DNAAF6: variants seen among roughly 807,000 people sequenced by gnomAD.
DNAAF6 encodes PIH1 domain containing 3.
A neutral mutation model predicts 13.7 loss-of-function variants in DNAAF6; 3 were observed. The observed-to-expected ratio is 0.22, with a 90% CI of 0.10 to 0.56. DNAAF6 has a LOEUF of 0.56. Ranked by LOEUF, DNAAF6 falls within the 20% of genes least tolerant of loss-of-function variation. DNAAF6 has a pLI of 0.92. For missense variants in DNAAF6, 130 were observed against 151.0 expected (o/e 0.86, Z 0.73); for synonymous variants, 54 against 49.2 (o/e 1.10, Z -0.41).
Position 107,243,056 on chromosome X carries a change from T to TGG in DNAAF6, c.516-105_516-104dup, listed in dbSNP as rs373519426. On this transcript the variant is annotated intron_variant, in intron 6 of 6. Coordinates refer to ENST00000372453, the MANE Select transcript of DNAAF6 (RefSeq NM_173494.2). ...TCCAATATTTACACTATCTAAATAT[T>TGG]GGGGGGGGGTTGTTTTCTAACACTC... is the stretch of plus-strand genomic sequence containing the variant. 3.2e-3 allele frequency: 2,346 copies of TGG among 733,318 alleles called. 27 individuals are homozygous for TGG. In the African/African-American group the frequency reaches 0.037, roughly 12 times the overall value. The allele number at this position is 733,318 out of a possible 1,213,427, so 60.4% of individuals were successfully genotyped here. A position where few individuals can be genotyped will look rare whatever the true frequency, so the allele number is the denominator to read the frequency against.
Position 107,243,559 on chromosome X carries a change from C to A in DNAAF6, c.*261C>A. ...CCGAAGCAGGCGGATCACTTGAGGT[C>A]AGGAGTTTGAGACCAGCCTGGTCAA... On this transcript the variant is annotated 3_prime_UTR_variant, in exon 7 of 7. Transcript: ENST00000372453. The A allele has an allele frequency of 4.6e-6, 1 of 215,707 alleles. No homozygotes were observed. 17.8% of individuals were successfully genotyped at this position (215,707 alleles called of 1,213,427 possible). A position where few individuals can be genotyped will look rare whatever the true frequency, so the allele number is the denominator to read the frequency against.
Position 107,239,000 on chromosome X carries a change from C to T in DNAAF6, c.508C>T (p.Pro170Ser). The change falls in exon 6 of 7, where the codon CCT becomes TCT. Residue 170 changes from proline to serine, a missense_variant. Coordinates refer to ENST00000372453, the MANE Select transcript of DNAAF6 (RefSeq NM_173494.2). ...IQETILDLRTPQKKLLITLPE... is the reference protein window; with the variant it reads ...IQETILDLRTSQKKLLITLPE... ...GGAAACAATCCTTGACCTTCGTACTCCTCAGAAGTGAGTAAAACTTAGAAC... is the reference window on the plus strand; with the variant it reads ...GGAAACAATCCTTGACCTTCGTACTTCTCAGAAGTGAGTAAAACTTAGAAC... The T allele has an allele frequency of 8.3e-7, 1 of 1,202,959 alleles. No homozygotes were observed. Among genetic ancestry groups the T allele is most frequent in the African/African-American group, 1.7e-5 (1 of 57,285 alleles).
intron 4 of DNAAF6, among the ~76,000 whole-genome samples, chrX:107,221,129 G>A (rs1388274498): frequency 2.8e-5 from 3 of 108,979 alleles, no homozygotes; most frequent in Admixed American, 2.0e-4. Flanking sequence ...ATGCCACCAG[G>A]CCTGGCTAAT....
chrX:107,220,506 G>A (rs995557774), intron 4 of DNAAF6, among the ~76,000 whole-genome samples: 1 of 111,626 alleles, frequency 9.0e-6, no homozygotes, highest in African/African-American at 3.3e-5. Flanking sequence ...ATAACTTCAG[G>A]TTATTATGAG....
chrX:107,242,952 G>A (rs750756244), intron 6 of DNAAF6, among the ~76,000 whole-genome samples: 3 of 111,236 alleles, frequency 2.7e-5, no homozygotes, highest in Non-Finnish European at 5.7e-5. Context: ...GAGAAAAATA[G>A]GGGCGCCAAA....
At chrX:107,229,818 G>A (rs2147834626) in intron 5 of DNAAF6, among the ~76,000 whole-genome samples, 1 of 110,615 alleles carries the variant, frequency 9.0e-6, no homozygotes, top group East Asian at 2.9e-4. Context: ...CTCCGGAGTA[G>A]CTGGGACTAC....
chrX:107,216,610 C>T, intron 2 of DNAAF6, 61 bp from the exon 3 acceptor site: 1 of 767,034 alleles, frequency 1.3e-6, no homozygotes, highest in Non-Finnish European at 1.8e-6. Flanking sequence ...TAAAGTATCA[C>T]TAGTCATATA....
intron 6 of DNAAF6, among the ~76,000 whole-genome samples, chrX:107,239,210 G>A (rs186537319): frequency 4.5e-5 from 5 of 111,550 alleles, no homozygotes; most frequent in East Asian, 2.8e-4. Context: ...CTTTGCATCC[G>A]TGCATTTGGA....
At chrX:107,230,418 C>T (rs1403817284) in intron 5 of DNAAF6, among the ~76,000 whole-genome samples, 1 of 111,970 alleles carries the variant, frequency 8.9e-6, no homozygotes, top group African/African-American at 3.2e-5. Flanking sequence ...CACAGTGGCT[C>T]ACACCTGTAA....
chrX:107,211,990 C>T (rs138337294), intron 1 of DNAAF6, among the ~76,000 whole-genome samples: 1 of 111,624 alleles, frequency 9.0e-6, no homozygotes, highest in East Asian at 2.8e-4. Context: ...TGAAATATAA[C>T]ATTCAGATGA....
At chrX:107,236,067 G>A (rs763866457) in intron 5 of DNAAF6, among the ~76,000 whole-genome samples, 1 of 111,534 alleles carries the variant, frequency 9.0e-6, no homozygotes, top group South Asian at 3.8e-4. Context: ...CCAGGAGGTC[G>A]AGGCTGCAGT....
At chrX:107,215,877 A>G (rs1569371915) in intron 2 of DNAAF6, among the ~76,000 whole-genome samples, 1 of 111,605 alleles carries the variant, frequency 9.0e-6, no homozygotes, top group African/African-American at 3.3e-5. Flanking sequence ...TTGGTAAGAA[A>G]TTGGGATTTT....
intron 4 of DNAAF6, among the ~76,000 whole-genome samples, chrX:107,219,738 T>G (rs1421128220): frequency 9.0e-6 from 1 of 111,243 alleles, no homozygotes; most frequent in Non-Finnish European, 1.9e-5. Flanking sequence ...TATAAATTCT[T>G]AAAGACTTCT....
rs200534227 is a variant in DNAAF6 at position 107,219,172 on chromosome X, TTAC to T, written c.332+206_332+208del. 3.1e-3 allele frequency among the ~76,000 whole-genome samples: 353 copies of T among 112,364 alleles called. 4 individuals are homozygous for T. Among genetic ancestry groups the T allele is most frequent in the Admixed American group, 0.029 (302 of 10,575 alleles). ...ATAAAGCATAACACCTTCCTTTCAG[TTAC>T]TATCTAGCAAAAATGAAAAATATAG... On this transcript the variant is annotated intron_variant, in intron 4 of 6. Coordinates refer to ENST00000372453, the MANE Select transcript of DNAAF6 (RefSeq NM_173494.2).
chrX:107,225,355 T>C (rs909385767), intron 5 of DNAAF6, among the ~76,000 whole-genome samples: 2 of 111,358 alleles, frequency 1.8e-5, no homozygotes, highest in African/African-American at 6.5e-5. Flanking sequence ...TGGTGTTTCC[T>C]TGAATCTAAG....
chrX:107,243,352 ACTTTG>A lies in DNAAF6; in HGVS notation c.*55_*59del. On this transcript the variant is annotated 3_prime_UTR_variant, in exon 7 of 7. Transcript: ENST00000372453. ...AAATGGCATTGGTAACAATTAAAAA[ACTTTG>A]AAAAAAATGATTGTTTTCTATATTC... The A allele has an allele frequency of 4.3e-6, 5 of 1,151,995 alleles. No homozygotes were observed. The highest frequency in any genetic ancestry group is 3.6e-5 in the African/African-American group (2 of 55,101). The allele number at this position is 1,151,995 out of a possible 1,213,427, so 94.9% of individuals were successfully genotyped here.
At position 107,235,420 on chromosome X, in the gene DNAAF6, A is replaced by G. The variant is rs1433118694; in HGVS notation, c.430-3502A>G. On this transcript the variant is annotated intron_variant, in intron 5 of 6. Coordinates refer to ENST00000372453, the MANE Select transcript of DNAAF6 (RefSeq NM_173494.2). ...ATAACTAATAAGATTTTTTTTAATG[A>G]AAAAGTGTAATCTATGAGGCTACAT... 2.7e-5 allele frequency among the ~76,000 whole-genome samples: 3 copies of G among 111,330 alleles called. No individual in the cohort carries two copies. In the East Asian group the frequency reaches 8.5e-4, roughly 31 times the overall value.
chrX:107,225,426 GT>G (rs775443986), intron 5 of DNAAF6, among the ~76,000 whole-genome samples: 1 of 111,314 alleles, frequency 9.0e-6, no homozygotes, highest in African/African-American at 3.3e-5. Flanking sequence ...GAGGAAAATA[GT>G]TATAATGCCA....
At chrX:107,215,934 G>A (rs1191881180) in intron 2 of DNAAF6, among the ~76,000 whole-genome samples, 1 of 111,514 alleles carries the variant, frequency 9.0e-6, no homozygotes, top group Admixed American at 9.6e-5. Flanking sequence ...AGGTGGTGTC[G>A]CTATGTGTTA....
Sources: gnomAD v4.1 joint callset for allele counts (sites outside exome capture counted in the v4.1 genomes callset) on GRCh38, gnomAD v4.1.1 for gene constraint, MANE v1.5 for transcripts, NCBI Gene and HGNC (gene_info 2026-07-23, HGNC 2026-07-21) for gene names.